Variants in RAVER1 observed in about 807,000 individuals in gnomAD.
RAVER1 encodes the protein ribonucleoprotein, PTB binding 1, also known as ribonucleoprotein PTB-binding 1.
RAVER1 carries 36 observed loss-of-function variants against 68.4 expected under a neutral mutation model. The ratio of observed to expected loss-of-function variants is 0.53; its 90% confidence interval spans 0.40 to 0.70. RAVER1 has a LOEUF of 0.70. Ranked by LOEUF, RAVER1 falls within the 30% of genes least tolerant of loss-of-function variation. The probability of loss-of-function intolerance (pLI) is 0.00; values close to 1 mark genes in which losing one functional copy is unlikely to be tolerated. For missense variants in RAVER1, 933 were observed against 1,019.8 expected (o/e 0.91, Z 1.16); for synonymous variants, 469 against 472.7 (o/e 0.99, Z 0.10).
intron 9 of RAVER1, 49 bp from the exon 10 acceptor site, chr19:10,319,289 C>G (rs777674734): frequency 3.8e-6 from 6 of 1,572,486 alleles, no homozygotes; most frequent in Non-Finnish European, 5.2e-6. Context: ...GTCCCAGCCT[C>G]ACCCCTGGCT....
intron 3 of RAVER1, among the ~76,000 whole-genome samples, chr19:10,324,683 C>T (rs1288525848): frequency 2.6e-5 from 4 of 152,010 alleles, no homozygotes; most frequent in African/African-American, 9.7e-5. Context: ...CGGCCATAAA[C>T]ACACCCATCT....
intron 6 of RAVER1, 42 bp from the exon 7 acceptor site, chr19:10,321,660 GC>G: frequency 7.3e-7 from 1 of 1,361,290 alleles, no homozygotes. Context: ...GGGCAGGGTG[GC>G]CCAGGGAAGC....
At position 10,328,086 on chromosome 19, in the gene RAVER1, T is replaced by C. The variant is rs1036237478; in HGVS notation, c.756+556A>G. Among the ~76,000 whole-genome samples the C allele has an allele frequency of 6.6e-6, 1 of 152,106 alleles. No individual in the cohort carries two copies. Among genetic ancestry groups the C allele is most frequent in the African/African-American group, 2.4e-5 (1 of 41,440 alleles). Reference sequence around the variant, plus strand: ...TCAGTCTCTGACCTCAAGGCTCAAATAGACTGTGGGCTCCTCTGCAGCCTC... The same window carrying C: ...TCAGTCTCTGACCTCAAGGCTCAAACAGACTGTGGGCTCCTCTGCAGCCTC... On this transcript the variant is annotated intron_variant, in intron 3 of 12. Transcript: ENST00000617231. This position sits in a 1 kb window ranked among gnomAD's most constrained non-coding sequence, Gnocchi z 4.4.
Position 10,323,102 on chromosome 19 carries a change from C to A in RAVER1, c.1078+43G>T. The A allele has an allele frequency of 6.7e-7, 1 of 1,486,064 alleles. No individual in the cohort carries two copies. Among genetic ancestry groups the A allele is most frequent in the Non-Finnish European group, 9.0e-7 (1 of 1,107,094 alleles). 92.1% of individuals were successfully genotyped at this position (1,486,064 alleles called of 1,614,324 possible). On this transcript the variant is annotated intron_variant, in intron 5 of 12. Coordinates refer to ENST00000617231, the MANE Select transcript of RAVER1 (RefSeq NM_133452.3). This position sits in a 1 kb window ranked among gnomAD's most constrained non-coding sequence, Gnocchi z 6.2. ...GGAAGTGCCGGGGGCAGCGCTGCAGCCCCTGTTCTGCACAGTGGGGCCCCT... is the reference window on the plus strand; with the variant it reads ...GGAAGTGCCGGGGGCAGCGCTGCAGACCCTGTTCTGCACAGTGGGGCCCCT...
At position 10,321,572 on chromosome 19, in the gene RAVER1, C is replaced by T. The variant is rs1376042596; in HGVS notation, c.1220G>A (p.Gly407Glu). 1 of 1,378,576 alleles carries T rather than the reference C, an allele frequency of 7.3e-7. No homozygotes were observed. The highest frequency in any genetic ancestry group is 1.5e-5 in the African/African-American group (1 of 66,912). 85.4% of individuals were successfully genotyped at this position (1,378,576 alleles called of 1,614,324 possible). The change falls in exon 7 of 13, where the codon GGG (glycine) becomes GAG (glutamate). Residue 407 changes from glycine (G) to glutamate (E), a missense_variant. Coordinates refer to ENST00000617231, the MANE Select transcript of RAVER1 (RefSeq NM_133452.3). Reference sequence around the variant, plus strand: ...GAGGAGGGGGTTGGCTGGCTGGGCCCCAGGCTGGAGGGCGCCCAGGGGTGA... The same window carrying T: ...GAGGAGGGGGTTGGCTGGCTGGGCCTCAGGCTGGAGGGCGCCCAGGGGTGA... ...GDSPLGALQP[G>E]AQPANPLLGE... is the part of the protein sequence containing the mutation.
chr19:10,320,555 G>A (rs930561873), intron 9 of RAVER1, 100 bp downstream of exon 9: 56 of 817,278 alleles, frequency 6.9e-5, no homozygotes, highest in Middle Eastern at 3.1e-4. Flanking sequence ...GTTCCCTGCC[G>A]CCTCCCTAGC....
In RAVER1 at chr19:10,328,484, G is replaced by A. The variant is rs896036014; in HGVS notation, c.756+158C>T. ...AGAGAATTGCTTGAACCAAAGAGGC[G>A]GAGGTTGCAGTGAACTGAGATTGTA... On this transcript the variant is annotated intron_variant, in intron 3 of 12. Coordinates refer to ENST00000617231, the MANE Select transcript of RAVER1 (RefSeq NM_133452.3). This position sits in a 1 kb window ranked among gnomAD's most constrained non-coding sequence, Gnocchi z 4.4. 5.3e-5 allele frequency among the ~76,000 whole-genome samples: 8 copies of A among 152,116 alleles called. No individual in the cohort carries two copies. Among genetic ancestry groups the A allele is most frequent in the African/African-American group, 9.7e-5 (4 of 41,412 alleles).
Position 10,321,160 on chromosome 19 carries a change from C to T in RAVER1, c.1361G>A (p.Gly454Asp). The T allele has an allele frequency of 7.8e-7, 1 of 1,285,354 alleles. No individual in the cohort carries two copies. The highest frequency in any genetic ancestry group is 2.9e-5 in the South Asian group (1 of 34,794). 79.6% of individuals were successfully genotyped at this position (1,285,354 alleles called of 1,614,324 possible). Residue 454 changes from glycine to aspartate, a missense_variant, in exon 8 of 13, where the codon GGC becomes GAC. Gly to Asp is a moderately conservative substitution (Grantham distance 94). Coordinates refer to ENST00000617231, the MANE Select transcript of RAVER1 (RefSeq NM_133452.3). ...GAGCTGGGCCGCTGGGGGACCCAAG[C>T]CCAGGGCCTCCCGGTCACCCCCAGC... ...GPAGGDREAL[G>D]LGPPAAQLTP...
chr19:10,323,644 A>T lies in RAVER1; in HGVS notation c.757-78T>A. 6.9e-7 allele frequency: 1 copy of T among 1,459,096 alleles called. No homozygotes were observed. The highest frequency in any genetic ancestry group is 9.2e-7 in the Non-Finnish European group (1 of 1,089,754). The allele number at this position is 1,459,096 out of a possible 1,614,324, so 90.4% of individuals were successfully genotyped here. On this transcript the variant is annotated intron_variant, in intron 3 of 12. Transcript: ENST00000617231. The surrounding 1 kb of genome is among the most constrained non-coding windows in gnomAD (Gnocchi z 6.2). ...ACCCCGGGAAGTGACAACCGTAACC[A>T]GACTCAGCTGCCCCATAAGGGTGAA...
Position 10,322,713 on chromosome 19 carries a change from G to A in RAVER1, c.1105C>T (p.Pro369Ser), listed in dbSNP as rs1285426122. The change falls in exon 6 of 13, where the codon CCG becomes TCG. Residue 369 changes from proline to serine, a missense_variant. Physicochemically the swap from Pro to Ser is moderately conservative, Grantham distance 74. This residue lies in a region of RAVER1 where 699 missense variants were observed against 731.1 expected (regional missense o/e 0.96). Transcript: ENST00000617231. This position sits in a 1 kb window ranked among gnomAD's most constrained non-coding sequence, Gnocchi z 4.3. ...GACAGGGCTGGCCCATTGAGCAGCGGCATGGCTGGGGGGGCACCCAGGAGG... is the reference window on the plus strand; with the variant it reads ...GACAGGGCTGGCCCATTGAGCAGCGACATGGCTGGGGGGGCACCCAGGAGG... ...QGLLGAPPAM[P>S]LLNGPALSTA... 1 of 1,521,072 alleles carries A rather than the reference G, an allele frequency of 6.6e-7. No homozygotes were observed. Among genetic ancestry groups the A allele is most frequent in the African/African-American group, 1.4e-5 (1 of 69,702 alleles). The allele number at this position is 1,521,072 out of a possible 1,614,324, so 94.2% of individuals were successfully genotyped here.
Position 10,332,725 on chromosome 19 carries a change from C to T in RAVER1, c.219+564G>A, listed in dbSNP as rs74920736. Among the ~76,000 whole-genome samples, 990 of 152,292 alleles carry T rather than the reference C, an allele frequency of 6.5e-3. 12 individuals carry two copies. Among genetic ancestry groups the T allele is most frequent in the African/African-American group, 0.023 (942 of 41,558 alleles). On this transcript the variant is annotated intron_variant, in intron 1 of 12. Transcript: ENST00000617231. Reference sequence around the variant, plus strand: ...CATAGAACACAGGCCTCGCTTCCTTCCTGTAGGTCTGTAGGCTGGTGGCAG... The same window carrying T: ...CATAGAACACAGGCCTCGCTTCCTTTCTGTAGGTCTGTAGGCTGGTGGCAG...
Position 10,316,473 on chromosome 19 carries a change from C to T in RAVER1, c.*981G>A. On this transcript the variant is annotated 3_prime_UTR_variant, in exon 13 of 13. Coordinates refer to ENST00000617231, the MANE Select transcript of RAVER1 (RefSeq NM_133452.3). ...CTGGAAGGAGGCCAGCTCCAGGGAT[C>T]TGGCCGGGGGTGGGCAGGCAGAATT... 1 of 995,240 alleles carries T rather than the reference C, an allele frequency of 1.0e-6. No individual in the cohort carries two copies. Among genetic ancestry groups the T allele is most frequent in the Non-Finnish European group, 1.2e-6 (1 of 836,226 alleles). The allele number at this position is 995,240 out of a possible 1,614,324, so 61.7% of individuals were successfully genotyped here. A position where few individuals can be genotyped will look rare whatever the true frequency, so the allele number is the denominator to read the frequency against.
chr19:10,330,053 G>A (rs2040502075), intron 2 of RAVER1, among the ~76,000 whole-genome samples: 1 of 151,784 alleles, frequency 6.6e-6, no homozygotes, highest in Non-Finnish European at 1.5e-5. Flanking sequence ...AACCCAGGAG[G>A]CGGAGGTTGC....
rs559015847 is a variant in RAVER1 at position 10,331,115 on chromosome 19, C to T, written c.220-589G>A. On this transcript the variant is annotated intron_variant, in intron 1 of 12. Transcript: ENST00000617231. ...CTGTAATCCCAGCACTTTGGGAGGCCGAGGCGGGTGGATCACGAGGTCAGG... is the reference window on the plus strand; with the variant it reads ...CTGTAATCCCAGCACTTTGGGAGGCTGAGGCGGGTGGATCACGAGGTCAGG... 4.1e-5 allele frequency among the ~76,000 whole-genome samples: 6 copies of T among 147,658 alleles called. No homozygotes were observed. In the East Asian group the frequency reaches 6.1e-4, roughly 15 times the overall value.
rs2145060458 is a variant in RAVER1 at position 10,316,275 on chromosome 19, TG to T, written c.*1178del. On this transcript the variant is annotated 3_prime_UTR_variant, in exon 13 of 13. Coordinates refer to ENST00000617231, the MANE Select transcript of RAVER1 (RefSeq NM_133452.3). ...AAAGGTCCGTGTGGGGAGACTGGGG[TG>T]GGGTCGGGGGAATAGTCCCCTTGGA... 2.4e-6 allele frequency: 3 copies of T among 1,273,168 alleles called. No individual in the cohort carries two copies. Among genetic ancestry groups the T allele is most frequent in the East Asian group, 4.1e-5 (1 of 24,472 alleles). The allele number at this position is 1,273,168 out of a possible 1,614,324, so 78.9% of individuals were successfully genotyped here.
chr19:10,325,792 CA>C (rs767011564), intron 3 of RAVER1, among the ~76,000 whole-genome samples: 233 of 132,688 alleles, frequency 1.8e-3, no homozygotes, highest in Middle Eastern at 0.012. Context: ...GAACCTGTCT[CA>C]AAAAAAAAAA....
At position 10,329,607 on chromosome 19, in the gene RAVER1, G is replaced by A. The variant is rs573541110; in HGVS notation, c.287-496C>T. Among the ~76,000 whole-genome samples, 5 of 151,898 alleles carry A rather than the reference G, an allele frequency of 3.3e-5. No homozygotes were observed. Among genetic ancestry groups the A allele is most frequent in the East Asian group, 1.9e-4 (1 of 5,162 alleles). On this transcript the variant is annotated intron_variant, in intron 2 of 12. Transcript: ENST00000617231. The surrounding 1 kb of genome is among the most constrained non-coding windows in gnomAD (Gnocchi z 4.6). ...AGCCTGGACTTGAACCCAGGCAGCC[G>A]GACTCCAGAGGCCCACTCTACACAC...
Position 10,316,341 on chromosome 19 carries a change from G to A in RAVER1, c.*1113C>T. On this transcript the variant is annotated 3_prime_UTR_variant, in exon 13 of 13. Coordinates refer to ENST00000617231, the MANE Select transcript of RAVER1 (RefSeq NM_133452.3). ...CCAGAGTCAAGGGAGGGAAGCTGGT[G>A]GCCCAGTTGGCTGGGGGCAAGGCCC... 1 of 1,124,958 alleles carries A rather than the reference G, an allele frequency of 8.9e-7. No homozygotes were observed. The highest frequency in any genetic ancestry group is 1.1e-6 in the Non-Finnish European group (1 of 917,590). The allele number at this position is 1,124,958 out of a possible 1,614,324, so 69.7% of individuals were successfully genotyped here.
At chr19:10,330,634 C>T (rs2040508380) in intron 1 of RAVER1, 108 bp from the exon 2 acceptor site, 1 of 630,698 alleles carries the variant, frequency 1.6e-6, no homozygotes, top group African/African-American at 1.8e-5. Flanking sequence ...ATTACCACCC[C>T]CCATTTTACC....
Sources: gnomAD v4.1 joint callset for allele counts (sites outside exome capture counted in the v4.1 genomes callset) on GRCh38, gnomAD v4.1.1 for gene constraint, gnomAD v4.1.1 regional missense constraint, Gnocchi (gnomAD v3.1) non-coding constraint, MANE v1.5 for transcripts, NCBI Gene and HGNC (gene_info 2026-07-23, HGNC 2026-07-21) for gene names.